TENM2: variants seen among roughly 807,000 people sequenced by gnomAD.
The protein encoded by TENM2 is teneurin-2.
Under a neutral mutation model 245.2 loss-of-function variants are expected in TENM2, and 52 were observed. The observed-to-expected ratio is 0.21, with a 90% CI of 0.17 to 0.27. The LOEUF (loss-of-function observed/expected upper bound fraction) is 0.27, where lower values mean the gene tolerates loss of function less well. Ranked by LOEUF, TENM2 falls within the 10% of genes least tolerant of loss-of-function variation. The probability of loss-of-function intolerance (pLI) is 1.00; values close to 1 mark genes in which losing one functional copy is unlikely to be tolerated. For missense variants in TENM2, 3,046 were observed against 3,666.8 expected, an observed-to-expected ratio of 0.83 and a Z score of 4.37; for synonymous variants, 1,363 against 1,438.9, an observed-to-expected ratio of 0.95 and a Z score of 1.19.
At chr5:167,310,761 A>G (rs1755986191) in intron 1 of TENM2, among the ~76,000 whole-genome samples, 1 of 152,216 alleles carries the variant, frequency 6.6e-6, no homozygotes, top group Non-Finnish European at 1.5e-5. Context: ...CATACAAGTT[A>G]TAGGCTGGAA....
intron 4 of TENM2, among the ~76,000 whole-genome samples, chr5:167,969,878 T>A (rs76584564): frequency 0.062 from 9,461 of 152,214 alleles, 326 homozygotes; most frequent in African/African-American, 0.075. Flanking sequence ...GCAGACCACA[T>A]TAATTGGCCA....
intron 2 of TENM2, among the ~76,000 whole-genome samples, chr5:167,577,158 G>A (rs1272192110): frequency 1.3e-5 from 2 of 152,124 alleles, no homozygotes; most frequent in Non-Finnish European, 2.9e-5. Flanking sequence ...GCAATTTCAG[G>A]ACCAATGACC....
chr5:167,735,567 G>T (rs1390423830), intron 2 of TENM2, among the ~76,000 whole-genome samples: 1 of 152,168 alleles, frequency 6.6e-6, no homozygotes, highest in Non-Finnish European at 1.5e-5. Context: ...CACACTTTGG[G>T]AGGCCAAGGC....
chr5:167,893,166 A>T (rs769791167), intron 3 of TENM2, among the ~76,000 whole-genome samples: 1 of 152,260 alleles, frequency 6.6e-6, no homozygotes, highest in South Asian at 2.1e-4. Context: ...CCTGTCTGTG[A>T]TAAATAAGGG....
chr5:167,350,929 GAT>G (rs1172826822), intron 1 of TENM2, among the ~76,000 whole-genome samples: 3 of 72,746 alleles, frequency 4.1e-5, no homozygotes, highest in African/African-American at 1.3e-4. Context: ...TATACATATG[GAT>G]ATATATATGG....
At position 167,779,750 on chromosome 5, in the gene TENM2, G is replaced by C. The variant is rs761026101; in HGVS notation, c.503-96236G>C. 6.6e-5 allele frequency among the ~76,000 whole-genome samples: 10 copies of C among 152,238 alleles called. No homozygotes were observed. The East Asian group carries it at 9.7e-4, about 15-fold the overall frequency. On this transcript the variant is annotated intron_variant, in intron 2 of 28. Coordinates refer to ENST00000518659, the Ensembl canonical transcript of TENM2. ...GAACAAACAAGTCTCAGAGAGAAAGGCTTTCTGTAACATTTTAGATAAGCC... is the reference window on the plus strand; with the variant it reads ...GAACAAACAAGTCTCAGAGAGAAAGCCTTTCTGTAACATTTTAGATAAGCC...
chr5:167,436,614 T>C (rs2127452400), intron 2 of TENM2, among the ~76,000 whole-genome samples: 1 of 152,248 alleles, frequency 6.6e-6, no homozygotes, highest in Non-Finnish European at 1.5e-5. Context: ...CTCCAGGGCA[T>C]GTCAGAGGTC....
chr5:167,112,290 G>T, the TENM2 span, among the ~76,000 whole-genome samples: 2 of 152,186 alleles, frequency 1.3e-5, no homozygotes, highest in African/African-American at 2.4e-5. Flanking sequence ...AAATGGAAAT[G>T]GATTCTTCCC....
chr5:167,582,495 G>A (rs1394401732), intron 2 of TENM2, among the ~76,000 whole-genome samples: 2 of 152,102 alleles, frequency 1.3e-5, no homozygotes, highest in Admixed American at 1.3e-4. Context: ...TTCATGTCTA[G>A]ATGAGACCCA....
At chr5:167,603,954 A>G (rs558537159) in intron 2 of TENM2, among the ~76,000 whole-genome samples, 1 of 152,276 alleles carries the variant, frequency 6.6e-6, no homozygotes, top group African/African-American at 2.4e-5. Context: ...TGTGTTTTGG[A>G]GTTTATTTTA....
chr5:167,243,690 T>C, the TENM2 span, among the ~76,000 whole-genome samples: 9 of 152,280 alleles, frequency 5.9e-5, no homozygotes, highest in South Asian at 8.3e-4. Context: ...CCACCCTTTT[T>C]TGAGATCTTG....
intron 2 of TENM2, among the ~76,000 whole-genome samples, chr5:167,702,534 GTA>G (rs1242182687): frequency 6.5e-5 from 8 of 122,882 alleles, no homozygotes; most frequent in African/African-American, 7.8e-5. Flanking sequence ...ATATATGTAT[GTA>G]TGTATGTGTG....
intron 2 of TENM2, among the ~76,000 whole-genome samples, chr5:167,456,828 C>G (rs1765954199): frequency 6.6e-6 from 1 of 152,154 alleles, no homozygotes. Context: ...CAGGTTCAGG[C>G]AGATAATATT....
chr5:167,554,281 A>G (rs917139417), intron 2 of TENM2, among the ~76,000 whole-genome samples: 2 of 152,356 alleles, frequency 1.3e-5, no homozygotes, highest in African/African-American at 4.8e-5. Context: ...AGCTAGCTGC[A>G]TTATACTCTA....
chr5:167,406,440 T>C (rs2127395417), intron 2 of TENM2, among the ~76,000 whole-genome samples: 1 of 152,318 alleles, frequency 6.6e-6, no homozygotes, highest in South Asian at 2.1e-4. Flanking sequence ...TAGAGTAGAT[T>C]GAGTATTTCG....
intron 2 of TENM2, among the ~76,000 whole-genome samples, chr5:167,682,140 G>GCCTA (rs1561667607): frequency 8.5e-6 from 1 of 117,342 alleles, no homozygotes; most frequent in Non-Finnish European, 1.7e-5. Context: ...CTGCCTGCCT[G>GCCTA]CCTGCGTTCC....
chr5:167,162,648 C>CA, the TENM2 span, among the ~76,000 whole-genome samples: 16,599 of 143,920 alleles, frequency 0.12, 2,417 homozygotes, highest in African/African-American at 0.33. Context: ...CAACAAAAAA[C>CA]AAAAAAAAAA....
At chr5:167,771,595 A>C (rs1179058784) in intron 2 of TENM2, among the ~76,000 whole-genome samples, 1 of 152,154 alleles carries the variant, frequency 6.6e-6, no homozygotes, top group African/African-American at 2.4e-5. Flanking sequence ...ACGCTACTAA[A>C]ATTTTGTTGG....
the TENM2 span, among the ~76,000 whole-genome samples, chr5:167,249,302 A>G: frequency 6.6e-6 from 1 of 152,194 alleles, no homozygotes; most frequent in Non-Finnish European, 1.5e-5. Flanking sequence ...AGAATTCAGA[A>G]AAGGCTGCAT....
Sources: gnomAD v4.1 joint callset for allele counts (sites outside exome capture counted in the v4.1 genomes callset) on GRCh38, gnomAD v4.1.1 for gene constraint, MANE v1.5 for transcripts, NCBI Gene and HGNC (gene_info 2026-07-23, HGNC 2026-07-21) for gene names.